MARCHF11: variants seen among roughly 807,000 people sequenced by gnomAD.
MARCHF11 encodes the protein membrane associated ring-CH-type finger 11.
In MARCHF11, 29 loss-of-function variants were observed where a neutral mutation model predicts 37.3. The observed-to-expected ratio is 0.78, with a 90% CI of 0.58 to 1.06. The LOEUF (loss-of-function observed/expected upper bound fraction) is 1.06. Among genes scored for constraint, MARCHF11 ranks in the 50% least tolerant of loss-of-function variants. MARCHF11 has a pLI of 0.00. For missense variants in MARCHF11, 482 were observed against 533.4 expected (o/e 0.90, Z 0.95); for synonymous variants, 233 against 228.0 (o/e 1.02, Z -0.20).
chr5:16,155,003 G>C (rs1447155802), intron 2 of MARCHF11, among the ~76,000 whole-genome samples: 1 of 151,776 alleles, frequency 6.6e-6, no homozygotes, highest in Non-Finnish European at 1.5e-5. Flanking sequence ...CCCCTACAGT[G>C]ATACGCCTGA....
intron 2 of MARCHF11, among the ~76,000 whole-genome samples, chr5:16,159,909 A>G (rs1250146653): frequency 6.6e-6 from 1 of 152,012 alleles, no homozygotes; most frequent in African/African-American, 2.4e-5. Context: ...TGGTAATTAA[A>G]AATCTCATTT....
intron 2 of MARCHF11, among the ~76,000 whole-genome samples, chr5:16,116,505 T>A (rs975704430): frequency 1.3e-5 from 2 of 152,188 alleles, no homozygotes; most frequent in African/African-American, 4.8e-5. Context: ...ACAAGTGATT[T>A]AGAAAATCGT....
rs534631335 is a variant in MARCHF11, at chr5:16,115,159, T to A, written c.694-24078A>T. On this transcript the variant is annotated intron_variant, in intron 2 of 3. Coordinates refer to ENST00000332432, the MANE Select transcript of MARCHF11 (RefSeq NM_001102562.3). ...TGTAAAGGGCATTTTGCAAGAAGAA[T>A]AACTTAAAATGAAGTATCGAGCCAA... Among the ~76,000 whole-genome samples, 11 of 152,310 alleles carry A rather than the reference T, an allele frequency of 7.2e-5. No individual in the cohort carries two copies. In the East Asian group the frequency reaches 1.4e-3, roughly 19 times the overall value.
chr5:16,115,502 C>T (rs1291227840), intron 2 of MARCHF11, among the ~76,000 whole-genome samples: 1 of 152,106 alleles, frequency 6.6e-6, no homozygotes, highest in Non-Finnish European at 1.5e-5. Context: ...TTTATTTTAG[C>T]GTAGCATATT....
chr5:16,138,429 A>G (rs558287254), intron 2 of MARCHF11, among the ~76,000 whole-genome samples: 43 of 152,342 alleles, frequency 2.8e-4, no homozygotes, highest in African/African-American at 9.6e-4. Flanking sequence ...CAGCATATGT[A>G]TGGAAATGCC....
intron 2 of MARCHF11, among the ~76,000 whole-genome samples, chr5:16,114,728 G>A (rs1323463914): frequency 1.3e-5 from 2 of 151,730 alleles, no homozygotes; most frequent in Non-Finnish European, 2.9e-5. Flanking sequence ...GAGCTCAAAC[G>A]ATCCTTCCAC....
At chr5:16,100,070 T>C (rs1309119609) in intron 2 of MARCHF11, among the ~76,000 whole-genome samples, 2 of 151,994 alleles carry the variant, frequency 1.3e-5, no homozygotes, top group Non-Finnish European at 2.9e-5. Context: ...GAGGAAGAAA[T>C]TAAGCACCCT....
At chr5:16,139,672 C>T (rs1054416141) in intron 2 of MARCHF11, among the ~76,000 whole-genome samples, 5 of 152,108 alleles carry the variant, frequency 3.3e-5, no homozygotes, top group Non-Finnish European at 4.4e-5. Flanking sequence ...GAGTATAATT[C>T]ACAATGAACA....
chr5:16,119,344 A>T (rs912430964), intron 2 of MARCHF11, among the ~76,000 whole-genome samples: 6 of 151,822 alleles, frequency 4.0e-5, no homozygotes, highest in Non-Finnish European at 7.4e-5. Flanking sequence ...CCTGGGCAAC[A>T]GAGTGAGACT....
At chr5:16,089,779 TACA>T (rs1736761329) in intron 3 of MARCHF11, among the ~76,000 whole-genome samples, 6 of 152,372 alleles carry the variant, frequency 3.9e-5, no homozygotes, top group Admixed American at 2.6e-4. Flanking sequence ...ATACTTAATC[TACA>T]ACTTCTAATT....
intron 2 of MARCHF11, among the ~76,000 whole-genome samples, chr5:16,093,315 A>C (rs1736815006): frequency 6.6e-6 from 1 of 152,128 alleles, no homozygotes; most frequent in Non-Finnish European, 1.5e-5. Context: ...TAGGGGAGTA[A>C]ATTTGAATAG....
intron 2 of MARCHF11, among the ~76,000 whole-genome samples, chr5:16,145,031 A>G (rs764536836): frequency 1.3e-5 from 2 of 152,216 alleles, no homozygotes; most frequent in Non-Finnish European, 2.9e-5. Context: ...ATTCACTTAG[A>G]CATTACGGGT....
At chr5:16,135,955 C>G (rs567942184) in intron 2 of MARCHF11, among the ~76,000 whole-genome samples, 1 of 148,314 alleles carries the variant, frequency 6.7e-6, no homozygotes, top group South Asian at 2.2e-4. Context: ...GCACAGAGGG[C>G]GAGAAAGAGC....
chr5:16,161,076 T>A (rs942799979), intron 2 of MARCHF11, among the ~76,000 whole-genome samples: 2 of 151,966 alleles, frequency 1.3e-5, no homozygotes, highest in Non-Finnish European at 2.9e-5. Context: ...AGGGTACATG[T>A]ACACAACGTG....
intron 2 of MARCHF11, among the ~76,000 whole-genome samples, chr5:16,161,956 A>C (rs1420952521): frequency 6.6e-6 from 1 of 152,034 alleles, no homozygotes; most frequent in Non-Finnish European, 1.5e-5. Context: ...GTACTTGTCC[A>C]AGGAGAACAC....
intron 2 of MARCHF11, among the ~76,000 whole-genome samples, chr5:16,125,647 G>C (rs1207474783): frequency 7.0e-6 from 1 of 142,874 alleles, no homozygotes; most frequent in Non-Finnish European, 1.5e-5. Context: ...GTGTGTGTGT[G>C]TGTGTGTGTG....
chr5:16,144,385 C>T (rs542816320), intron 2 of MARCHF11, among the ~76,000 whole-genome samples: 1 of 152,140 alleles, frequency 6.6e-6, no homozygotes, highest in African/African-American at 2.4e-5. Flanking sequence ...GTGTGTTATT[C>T]GTCGCGATGT....
At chr5:16,109,725 G>T (rs1737106097) in intron 2 of MARCHF11, among the ~76,000 whole-genome samples, 1 of 152,200 alleles carries the variant, frequency 6.6e-6, no homozygotes, top group Non-Finnish European at 1.5e-5. Flanking sequence ...CTGGACTTGG[G>T]ACTGGTGTCT....
At chr5:16,082,500 A>T (rs1429937667) in intron 3 of MARCHF11, among the ~76,000 whole-genome samples, 3 of 152,176 alleles carry the variant, frequency 2.0e-5, no homozygotes, top group South Asian at 2.1e-4. Flanking sequence ...TTTGAAGGGA[A>T]ACTCACAGGG....
Sources: allele counts gnomAD v4.1 joint callset (sites outside exome capture counted in the v4.1 genomes callset), GRCh38; gene constraint gnomAD v4.1.1; transcripts MANE v1.5; gene names NCBI Gene and HGNC (gene_info 2026-07-23, HGNC 2026-07-21).